Variants in ANXA8 observed in about 807,000 individuals in gnomAD.
ANXA8 encodes the protein annexin A8.
In ANXA8, 9 loss-of-function variants were observed where a neutral mutation model predicts 26.8. The ratio of observed to expected loss-of-function variants is 0.34; its 90% CI spans 0.20 to 0.59. The LOEUF is 0.59. Ranked by LOEUF, ANXA8 falls within the 20% of genes least tolerant of loss-of-function variation. ANXA8 has a pLI of 0.84. For missense variants in ANXA8, 83 were observed against 238.5 expected (o/e 0.35, Z 4.29); for synonymous variants, 39 against 94.8 (o/e 0.41, Z 3.42).
the ANXA8 span, among the ~76,000 whole-genome samples, chr10:47,949,568 C>T: frequency 0.015 from 2,186 of 149,308 alleles, 37 homozygotes; most frequent in African/African-American, 0.052. Context: ...ATAATAACAA[C>T]GTACTGTGTG....
At chr10:47,654,448 T>C in the ANXA8 span, among the ~76,000 whole-genome samples, 508 of 142,674 alleles carry the variant, frequency 3.6e-3, 5 homozygotes, top group Non-Finnish European at 5.4e-3. Flanking sequence ...GCTCTAAAGG[T>C]TGAGTAGAGA....
chr10:47,955,452 C>A, the ANXA8 span, among the ~76,000 whole-genome samples: 2 of 149,284 alleles, frequency 1.3e-5, no homozygotes, highest in Non-Finnish European at 3.0e-5. Context: ...AATGGTACAG[C>A]CCATTACATA....
chr10:47,946,694 CT>C, the ANXA8 span, among the ~76,000 whole-genome samples: 6 of 150,066 alleles, frequency 4.0e-5, no homozygotes, highest in African/African-American at 7.4e-5. Flanking sequence ...CAGTTGCTAA[CT>C]TTTTTTTTAT....
At chr10:47,687,804 T>A in the ANXA8 span, among the ~76,000 whole-genome samples, 2 of 151,774 alleles carry the variant, frequency 1.3e-5, no homozygotes, top group Middle Eastern at 3.2e-3. Flanking sequence ...ATCATTTTTT[T>A]AAAAAGAGAG....
At chr10:47,599,922 G>A in the ANXA8 span, 2 of 150,256 alleles carry the variant, frequency 1.3e-5, no homozygotes, top group Middle Eastern at 3.4e-3. Context: ...CGCGGCCGTC[G>A]CCGGCACCCT....
At chr10:47,626,485 T>C in the ANXA8 span, among the ~76,000 whole-genome samples, 2 of 150,166 alleles carry the variant, frequency 1.3e-5, no homozygotes, top group African/African-American at 5.1e-5. Flanking sequence ...TAATATTTAA[T>C]TGAATACAAA....
the ANXA8 span, chr10:47,502,957 G>T: frequency 6.3e-7 from 1 of 1,589,848 alleles, no homozygotes; most frequent in South Asian, 1.1e-5. Flanking sequence ...AGAGGGGGGC[G>T]GGTTGAGCTT....
At chr10:47,705,068 C>T in the ANXA8 span, among the ~76,000 whole-genome samples, 1 of 151,960 alleles carries the variant, frequency 6.6e-6, no homozygotes, top group Non-Finnish European at 1.5e-5. Context: ...GAGTTAAAGA[C>T]CAATAAGATT....
the ANXA8 span, among the ~76,000 whole-genome samples, chr10:47,953,678 G>A: frequency 6.7e-6 from 1 of 149,528 alleles, no homozygotes. Context: ...TCTATGCAAA[G>A]CTCAAACAAC....
chr10:47,711,086 A>G, the ANXA8 span, among the ~76,000 whole-genome samples: 1 of 149,298 alleles, frequency 6.7e-6, no homozygotes, highest in African/African-American at 2.6e-5. Context: ...CTATGATTAT[A>G]AGGCAGATGT....
the ANXA8 span, among the ~76,000 whole-genome samples, chr10:47,967,928 C>A: frequency 2.1e-5 from 3 of 143,038 alleles, no homozygotes; most frequent in African/African-American, 5.0e-5. Context: ...ATTTATTCAG[C>A]GTCATGATCA....
At chr10:47,909,729 A>G in the ANXA8 span, among the ~76,000 whole-genome samples, 1 of 112,194 alleles carries the variant, frequency 8.9e-6, no homozygotes, top group Non-Finnish European at 1.8e-5. Context: ...GAGCTGCCCC[A>G]TTGAGCTCGC....
the ANXA8 span, among the ~76,000 whole-genome samples, chr10:47,615,593 G>A: frequency 5.8e-5 from 4 of 69,334 alleles, 1 homozygote; most frequent in Admixed American, 3.1e-4. Flanking sequence ...CTTTCAGAGA[G>A]CAGCCATTGA....
the ANXA8 span, among the ~76,000 whole-genome samples, chr10:47,718,071 G>A: frequency 7.3e-5 from 11 of 151,552 alleles, no homozygotes; most frequent in Admixed American, 1.3e-4. Flanking sequence ...TAACTGTTGG[G>A]TACTCTGCCT....
chr10:47,596,929 A>G, the ANXA8 span, among the ~76,000 whole-genome samples: 1 of 148,158 alleles, frequency 6.7e-6, no homozygotes, highest in African/African-American at 2.6e-5. Context: ...TCATCCTGAT[A>G]CCAAAATATG....
the ANXA8 span, among the ~76,000 whole-genome samples, chr10:47,658,144 T>G: frequency 2.0e-5 from 3 of 151,718 alleles, no homozygotes; most frequent in Admixed American, 1.3e-4. Context: ...CTGAGGCGGG[T>G]GGATCACGAG....
chr10:47,488,008 G>C (rs1250553449), upstream of ANXA8, among the ~76,000 whole-genome samples: 7 of 146,646 alleles, frequency 4.8e-5, no homozygotes, highest in East Asian at 1.5e-3. Flanking sequence ...GGGCCTTTGG[G>C]AGGTTGAAAT....
the ANXA8 span, among the ~76,000 whole-genome samples, chr10:47,698,828 C>CA: frequency 4.6e-5 from 7 of 151,398 alleles, no homozygotes; most frequent in Non-Finnish European, 1.0e-4. Context: ...GACCTTGTCT[C>CA]AAAAAAAATT....
At chr10:47,692,530 C>G in the ANXA8 span, 1 of 58,188 alleles carries the variant, frequency 1.7e-5, no homozygotes, top group African/African-American at 6.2e-5. Flanking sequence ...TTTAACATGC[C>G]CTTGTTTCCA....
Sources: gnomAD v4.1 joint callset for allele counts (sites outside exome capture counted in the v4.1 genomes callset) on GRCh38, gnomAD v4.1.1 for gene constraint, MANE v1.5 for transcripts, NCBI Gene and HGNC (gene_info 2026-07-23, HGNC 2026-07-21) for gene names.